The following HBS1L variants were observed in gnomAD, a reference collection of about 807,000 sequenced individuals.
HBS1L encodes the protein HBS1 like translational GTPase, also known as HBS1-like protein.
Under a neutral mutation model 88.9 loss-of-function variants are expected in HBS1L, and 55 were observed. The observed-to-expected ratio is 0.62, with a 90% CI of 0.50 to 0.77. HBS1L has a LOEUF of 0.77. HBS1L is among the 30% of genes least tolerant of loss of function. The probability of loss-of-function intolerance (pLI) is 0.00; values close to 1 mark genes in which losing one functional copy is unlikely to be tolerated. For synonymous variants in HBS1L, 267 were observed against 288.5 expected, an observed-to-expected ratio of 0.93 and a Z score of 0.76; for missense variants, 741 against 829.3, an observed-to-expected ratio of 0.89 and a Z score of 1.31.
chr6:134,968,789 G>A (rs1410196288), intron 16 of HBS1L, among the ~76,000 whole-genome samples: 1 of 150,596 alleles, frequency 6.6e-6, no homozygotes, highest in Non-Finnish European at 1.5e-5. Context: ...GATGGGAAAA[G>A]AGCAGGCACT....
rs183902269 is a variant in HBS1L, at chr6:134,964,540, G to C, written c.*739C>G. 1.3e-5 allele frequency: 2 copies of C among 152,220 alleles called. No individual in the cohort carries two copies. Among genetic ancestry groups the C allele is most frequent in the East Asian group, 3.8e-4 (2 of 5,196 alleles). 9.4% of individuals were successfully genotyped at this position (152,220 alleles called of 1,614,324 possible). A position where few individuals can be genotyped will look rare whatever the true frequency, so the allele number is the denominator to read the frequency against. On this transcript the variant is annotated 3_prime_UTR_variant, in exon 18 of 18. Coordinates refer to ENST00000367837, the MANE Select transcript of HBS1L (RefSeq NM_006620.4). Reference sequence around the variant, plus strand: ...ATGTGACAGAGCTAGGAAACTCTTAGGTGAAAAAGATCCCACAAAACCCCT... The same window carrying C: ...ATGTGACAGAGCTAGGAAACTCTTACGTGAAAAAGATCCCACAAAACCCCT...
intron 1 of HBS1L, among the ~76,000 whole-genome samples, chr6:135,051,013 G>C (rs1777064275): frequency 6.6e-6 from 1 of 152,140 alleles, no homozygotes; most frequent in African/African-American, 2.4e-5. Flanking sequence ...GGATCATGAG[G>C]TCAGGAGTTT....
intron 4 of HBS1L, among the ~76,000 whole-genome samples, chr6:135,031,316 C>A (rs1411284306): frequency 6.6e-6 from 1 of 152,010 alleles, no homozygotes; most frequent in Non-Finnish European, 1.5e-5. Context: ...AGGAACCTAC[C>A]TCTGTATTTC....
At chr6:135,053,069 G>A (rs1312341531) in intron 1 of HBS1L, among the ~76,000 whole-genome samples, 3 of 152,194 alleles carry the variant, frequency 2.0e-5, no homozygotes, top group African/African-American at 7.2e-5. Context: ...GAACAGCTTG[G>A]TTATGATGTC....
Position 134,985,506 on chromosome 6 carries a change from T to C in HBS1L, c.1424-97A>G, listed in dbSNP as rs1774954378. 3 of 702,676 alleles carry C rather than the reference T, an allele frequency of 4.3e-6. No individual in the cohort carries two copies. In the East Asian group the frequency reaches 8.0e-5, roughly 19 times the overall value. 43.5% of individuals were successfully genotyped at this position (702,676 alleles called of 1,614,324 possible). ...TTATAATCCCACTTCTCCTAGAAAA[T>C]AACTACTTTTTATAATTACTAATAG... On this transcript the variant is annotated intron_variant, in intron 11 of 17. Coordinates refer to ENST00000367837, the MANE Select transcript of HBS1L (RefSeq NM_006620.4).
At chr6:135,019,752 T>A in intron 4 of HBS1L, among the ~76,000 whole-genome samples, 1 of 151,892 alleles carries the variant, frequency 6.6e-6, no homozygotes, top group East Asian at 1.9e-4. Context: ...ATATAATACA[T>A]TATTTCCAAA....
intron 1 of HBS1L, among the ~76,000 whole-genome samples, chr6:135,052,757 T>C (rs1386385400): frequency 2.0e-5 from 3 of 152,168 alleles, no homozygotes; most frequent in Non-Finnish European, 4.4e-5. Context: ...GTAAAGAACA[T>C]TGTGCCAGCT....
intron 4 of HBS1L, among the ~76,000 whole-genome samples, chr6:135,015,113 G>C (rs932387581): frequency 6.6e-6 from 1 of 152,036 alleles, no homozygotes; most frequent in African/African-American, 2.4e-5. Context: ...CAGGTTTACA[G>C]GAATGTTTAC....
chr6:134,991,243 G>A (rs953606121), intron 8 of HBS1L, among the ~76,000 whole-genome samples: 5 of 152,066 alleles, frequency 3.3e-5, no homozygotes, highest in African/African-American at 1.2e-4. Flanking sequence ...ACAAAACAGG[G>A]TAGCCTTTGC....
chr6:134,970,515 T>C (rs1277046439), intron 15 of HBS1L, among the ~76,000 whole-genome samples: 1 of 151,346 alleles, frequency 6.6e-6, no homozygotes, highest in Non-Finnish European at 1.5e-5. Context: ...AAATCAGATG[T>C]TATTTTAAAG....
At chr6:135,038,101 G>C (rs1461134440) in intron 4 of HBS1L, 1 of 1,183,574 alleles carries the variant, frequency 8.4e-7, no homozygotes, top group African/African-American at 1.5e-5. Context: ...CAACCAAAAG[G>C]AAACATGAAA....
chr6:135,022,259 T>C (rs1361813105), intron 4 of HBS1L, among the ~76,000 whole-genome samples: 1 of 151,850 alleles, frequency 6.6e-6, no homozygotes, highest in Non-Finnish European at 1.5e-5. Flanking sequence ...GATGTATAAT[T>C]GCCTTAGAAT....
chr6:134,997,283 C>T, intron 6 of HBS1L, 114 bp downstream of exon 6: 1 of 1,270,082 alleles, frequency 7.9e-7, no homozygotes, highest in Non-Finnish European at 1.1e-6. Context: ...ACTGTGCCTC[C>T]TTGCTCTCTG....
intron 4 of HBS1L, among the ~76,000 whole-genome samples, chr6:135,019,305 A>G (rs1483226339): frequency 6.6e-6 from 1 of 151,954 alleles, no homozygotes; most frequent in Admixed American, 6.6e-5. Flanking sequence ...GGTCATAAAA[A>G]TCAGAAAAAT....
intron 1 of HBS1L, among the ~76,000 whole-genome samples, chr6:135,052,444 T>C (rs1046622055): frequency 2.0e-5 from 3 of 151,972 alleles, no homozygotes; most frequent in African/African-American, 7.3e-5. Flanking sequence ...TGGGGGCACA[T>C]GCCTGTAGAC....
At chr6:135,022,818 A>G (rs1776109901) in intron 4 of HBS1L, among the ~76,000 whole-genome samples, 1 of 152,066 alleles carries the variant, frequency 6.6e-6, no homozygotes, top group Non-Finnish European at 1.5e-5. Flanking sequence ...ATTTAGTAGT[A>G]TTCATAATAT....
At chr6:134,993,908 G>T in intron 7 of HBS1L, 33 bp from the exon 8 acceptor site, 1 of 991,226 alleles carries the variant, frequency 1.0e-6, no homozygotes, top group Non-Finnish European at 1.6e-6. Flanking sequence ...TAGAATGTAC[G>T]ATATAAATAG....
chr6:134,987,938 A>G (rs1775024637), intron 8 of HBS1L, 147 bp from the exon 9 acceptor site: 1 of 544,124 alleles, frequency 1.8e-6, no homozygotes, highest in Non-Finnish European at 2.9e-6. Context: ...AGACTCCCAA[A>G]GATGGATTAA....
At chr6:134,993,907 C>CT in intron 7 of HBS1L, 32 bp from the exon 8 acceptor site, 1 of 1,052,312 alleles carries the variant, frequency 9.5e-7, no homozygotes, top group Non-Finnish European at 1.5e-6. Context: ...TTAGAATGTA[C>CT]GATATAAATA....
Sources: allele counts gnomAD v4.1 joint callset (sites outside exome capture counted in the v4.1 genomes callset), GRCh38; gene constraint gnomAD v4.1.1; transcripts MANE v1.5; gene names NCBI Gene and HGNC (gene_info 2026-07-23, HGNC 2026-07-21).